The following EDARADD variants were observed in gnomAD, a reference collection of about 807,000 sequenced individuals.
EDARADD encodes EDAR associated via death domain.
EDARADD carries 20 observed loss-of-function variants against 25.6 expected under a neutral mutation model. The ratio of observed to expected loss-of-function variants is 0.78; its 90% confidence interval spans 0.55 to 1.14. EDARADD has a LOEUF of 1.14. Ranked by LOEUF, EDARADD falls within the 50% of genes most tolerant of loss-of-function variation. EDARADD has a pLI of 0.00. For synonymous variants in EDARADD, 86 were observed against 94.4 expected (o/e 0.91, Z 0.52); for missense variants, 225 against 270.1 (o/e 0.83, Z 1.17).
At chr1:236,396,060 C>A (rs992105730) in intron 1 of EDARADD, among the ~76,000 whole-genome samples, 18 of 152,358 alleles carry the variant, frequency 1.2e-4, no homozygotes, top group African/African-American at 4.1e-4. Flanking sequence ...TCCCCGCTCA[C>A]ATGCCTTCTC....
intron 3 of EDARADD, among the ~76,000 whole-genome samples, chr1:236,384,407 T>G (rs1667331246): frequency 1.3e-5 from 2 of 152,210 alleles, no homozygotes; most frequent in Admixed American, 1.3e-4. Flanking sequence ...CTTTTTCAAT[T>G]TTTTTGTTTT....
chr1:236,444,762 C>A (rs1425180712), intron 4 of EDARADD, among the ~76,000 whole-genome samples: 1 of 152,178 alleles, frequency 6.6e-6, no homozygotes, highest in East Asian at 1.9e-4. Flanking sequence ...GGTCACTGCA[C>A]AATTACCTGA....
intron 2 of EDARADD, among the ~76,000 whole-genome samples, chr1:236,411,876 A>G (rs1036785743): frequency 5.9e-5 from 9 of 152,108 alleles, no homozygotes; most frequent in Non-Finnish European, 1.0e-4. Flanking sequence ...AAAGATACCA[A>G]TCATATTGGG....
intron 3 of EDARADD, among the ~76,000 whole-genome samples, chr1:236,417,524 G>A (rs1657670624): frequency 6.6e-6 from 1 of 152,126 alleles, no homozygotes; most frequent in Non-Finnish European, 1.5e-5. Flanking sequence ...TTCTCATAGG[G>A]CATAAATGCA....
At position 236,438,907 on chromosome 1, in the gene EDARADD, A is replaced by G. The variant is rs1457068092; in HGVS notation, c.219+11457A>G. 3.9e-5 allele frequency among the ~76,000 whole-genome samples: 6 copies of G among 152,332 alleles called. No homozygotes were observed. The East Asian group carries it at 1.2e-3, about 29-fold the overall frequency. ...GTTCACCCTTGGTGTTGTACATTCT[A>G]TAGGTTTGGACAAACGTCTGATGAC... is the stretch of plus-strand genomic sequence containing the variant. On this transcript the variant is annotated intron_variant, in intron 4 of 5. Coordinates refer to ENST00000334232, the MANE Select transcript of EDARADD (RefSeq NM_145861.4).
intron 5 of EDARADD, among the ~76,000 whole-genome samples, chr1:236,479,433 G>A (rs181407752): frequency 6.6e-5 from 10 of 151,618 alleles, no homozygotes; most frequent in East Asian, 5.9e-4. Flanking sequence ...AGGTTAAGGC[G>A]GCAGTGAGCC....
chr1:236,384,168 C>A (rs1667329139), intron 3 of EDARADD, among the ~76,000 whole-genome samples: 1 of 152,134 alleles, frequency 6.6e-6, no homozygotes, highest in Non-Finnish European at 1.5e-5. Flanking sequence ...CAACCAGTGT[C>A]CTTATGCATG....
chr1:236,377,241 C>T (rs973081395), intron 3 of EDARADD, among the ~76,000 whole-genome samples: 2 of 151,210 alleles, frequency 1.3e-5, no homozygotes, highest in Non-Finnish European at 2.9e-5. Flanking sequence ...CTGCAACCTC[C>T]ACCTCCTGGG....
chr1:236,476,678 A>C (rs941506438), intron 5 of EDARADD, among the ~76,000 whole-genome samples: 1 of 152,020 alleles, frequency 6.6e-6, no homozygotes, highest in African/African-American at 2.4e-5. Flanking sequence ...GGCATGTGCC[A>C]CCACACCCGG....
At chr1:236,433,376 T>C (rs1658159147) in intron 4 of EDARADD, among the ~76,000 whole-genome samples, 1 of 151,440 alleles carries the variant, frequency 6.6e-6, no homozygotes, top group South Asian at 2.1e-4. Context: ...CTGGCCAACA[T>C]GGGGAAACAG....
Position 236,414,462 on chromosome 1 carries a change from C to CT in EDARADD, c.160+169dup, listed in dbSNP as rs61021118. Among the ~76,000 whole-genome samples the CT allele has an allele frequency of 0.55, 83,312 of 152,016 alleles. 24,980 individuals carry two copies. The highest frequency in any genetic ancestry group is 0.79 in the African/African-American group (32,781 of 41,490). On this transcript the variant is annotated intron_variant, in intron 3 of 5. Coordinates refer to ENST00000334232, the MANE Select transcript of EDARADD (RefSeq NM_145861.4). ...AATTGTCTCAGAAATTAATTTTTTT[C>CT]TTTTTTAAATAGTATCTTTTAACCT... is the stretch of plus-strand genomic sequence containing the variant.
chr1:236,434,328 C>T (rs1002065037), intron 4 of EDARADD, among the ~76,000 whole-genome samples: 1 of 152,002 alleles, frequency 6.6e-6, no homozygotes, highest in Non-Finnish European at 1.5e-5. Context: ...ACCTCTGCCA[C>T]CTGGGTTCAA....
chr1:236,405,125 A>C (rs1184083148), intron 1 of EDARADD, among the ~76,000 whole-genome samples: 1 of 152,186 alleles, frequency 6.6e-6, no homozygotes, highest in African/African-American at 2.4e-5. Context: ...TTTTTAAAAA[A>C]AGACCTGAAA....
At chr1:236,400,413 G>T (rs1667593948) in intron 1 of EDARADD, among the ~76,000 whole-genome samples, 1 of 152,110 alleles carries the variant, frequency 6.6e-6, no homozygotes, top group South Asian at 2.1e-4. Context: ...CTGCTGCGGG[G>T]TCTGAGGTTG....
chr1:236,402,075 C>T (rs997051998), intron 1 of EDARADD, among the ~76,000 whole-genome samples: 1 of 152,198 alleles, frequency 6.6e-6, no homozygotes, highest in Non-Finnish European at 1.5e-5. Context: ...GATTCTCCTG[C>T]TTCAGCTTCC....
chr1:236,406,829 G>C (rs1023880612), intron 1 of EDARADD, among the ~76,000 whole-genome samples: 1 of 152,156 alleles, frequency 6.6e-6, no homozygotes, highest in Non-Finnish European at 1.5e-5. Context: ...AGCTCCCCAG[G>C]CTGCGAGTGC....
chr1:236,395,289 G>C lies in EDARADD; in HGVS notation c.61+784G>C. 1 of 1,129,558 alleles carries C rather than the reference G, an allele frequency of 8.9e-7. No homozygotes were observed. Among genetic ancestry groups the C allele is most frequent in the Non-Finnish European group, 1.1e-6 (1 of 896,494 alleles). 70.0% of individuals were successfully genotyped at this position (1,129,558 alleles called of 1,614,324 possible). ...GGTACCGGGCAGGACGCGCGCTCTG[G>C]GCGCTGGGGACGCCCGGGACACTCG... On this transcript the variant is annotated intron_variant, in intron 1 of 5. Transcript: ENST00000334232. This position sits in a 1 kb window ranked among gnomAD's most constrained non-coding sequence, Gnocchi z 6.9.
intron 4 of EDARADD, among the ~76,000 whole-genome samples, chr1:236,450,096 G>C (rs561405612): frequency 9.7e-5 from 5 of 51,652 alleles, no homozygotes; most frequent in Non-Finnish European, 2.9e-4. Context: ...ACGAGACTCT[G>C]TCTCCAAAAA....
chr1:236,440,626 ACT>A (rs1206620245), intron 4 of EDARADD, among the ~76,000 whole-genome samples: 6 of 148,602 alleles, frequency 4.0e-5, no homozygotes, highest in African/African-American at 1.5e-4. Flanking sequence ...GTGTCAAGCG[ACT>A]CTTGCTGCCA....
Sources: allele counts gnomAD v4.1 joint callset (sites outside exome capture counted in the v4.1 genomes callset), GRCh38; gene constraint gnomAD v4.1.1; non-coding constraint Gnocchi (gnomAD v3.1); transcripts MANE v1.5; gene names NCBI Gene and HGNC (gene_info 2026-07-23, HGNC 2026-07-21).